Variants in MACF1 observed in about 807,000 individuals in gnomAD.
The protein encoded by MACF1 is microtubule-actin cross-linking factor 1.
Under a neutral mutation model 854.8 loss-of-function variants are expected in MACF1, and 193 were observed. The observed-to-expected ratio is 0.23, with a 90% CI of 0.20 to 0.25. MACF1 has a LOEUF of 0.25. Among genes scored for constraint, MACF1 ranks in the 10% least tolerant of loss-of-function variants. The pLI is 1.00. For synonymous variants in MACF1, 3,185 were observed against 3,226.7 expected (o/e 0.99, Z 0.44); for missense variants, 7,722 against 8,929.1 (o/e 0.86, Z 5.45).
intron 61 of MACF1, among the ~76,000 whole-genome samples, chr1:39,425,551 C>T (rs1643697732): frequency 6.6e-6 from 1 of 152,086 alleles, no homozygotes; most frequent in East Asian, 1.9e-4. Flanking sequence ...TCTATTTGAC[C>T]CTAACCTACC....
rs200988272 is a variant in MACF1 at position 39,445,958 on chromosome 1, C to CA, written c.19605+1131dup. On this transcript the variant is annotated intron_variant, in intron 80 of 100. Coordinates refer to ENST00000564288, the MANE Select transcript of MACF1 (RefSeq NM_001394062.1). ...CTGGGTGACATCAATAACCTATCTC[C>CA]AAAAAAAAGAGAAAACAATCCTTGG... 1.0e-3 allele frequency among the ~76,000 whole-genome samples: 153 copies of CA among 151,596 alleles called. 1 individual carries two copies. Among genetic ancestry groups the CA allele is most frequent in the Non-Finnish European group, 1.8e-3 (123 of 67,828 alleles).
At chr1:39,214,046 G>C (rs551855321) in intron 1 of MACF1, among the ~76,000 whole-genome samples, 1 of 152,156 alleles carries the variant, frequency 6.6e-6, no homozygotes, top group East Asian at 1.9e-4. Flanking sequence ...ATTTGTAGTC[G>C]TTTGGGCTAA....
chr1:39,369,965 A>G (rs781162761), intron 50 of MACF1, 65 bp from the exon 51 acceptor site: 13 of 1,455,238 alleles, frequency 8.9e-6, no homozygotes, highest in Non-Finnish European at 1.2e-5. Context: ...AGAATGAACT[A>G]CTCTTAGCTC....
At chr1:39,471,519 C>G (rs1315974379) in intron 97 of MACF1, among the ~76,000 whole-genome samples, 2 of 152,166 alleles carry the variant, frequency 1.3e-5, no homozygotes, top group African/African-American at 2.4e-5. Context: ...TAGAAGATAT[C>G]TCAAACTGCA....
chr1:39,277,691 G>T (rs1645463876), intron 6 of MACF1, among the ~76,000 whole-genome samples: 1 of 152,172 alleles, frequency 6.6e-6, no homozygotes, highest in Admixed American at 6.5e-5. Flanking sequence ...TGTTGTTGCT[G>T]AGCAATCCTC....
Position 39,332,077 on chromosome 1 carries a change from A to G in MACF1, c.5489A>G (p.Asn1830Ser), listed in dbSNP as rs145512247. 6.8e-5 allele frequency: 110 copies of G among 1,614,118 alleles called. No individual in the cohort carries two copies. In the African/African-American group the frequency reaches 1.3e-3, roughly 20 times the overall value. Residue 1830 changes from asparagine (N) to serine (S), a missense_variant, in exon 37 of 101, where the codon AAT becomes AGT. By Grantham distance (46) the Asn-to-Ser change is conservative. Transcript: ENST00000564288. Reference sequence around the variant, plus strand: ...CTAACAATAGATGAAGCAGTGAGCAATGATCTAGTAGCTGCTAAGATCGCC... The same window carrying G: ...CTAACAATAGATGAAGCAGTGAGCAGTGATCTAGTAGCTGCTAAGATCGCC... ...QRLTIDEAVS[N>S]DLVAAKIALV...
At chr1:39,414,646 A>C in intron 58 of MACF1, 2 of 1,060,316 alleles carry the variant, frequency 1.9e-6, no homozygotes, top group South Asian at 2.0e-5. Context: ...ATATACTTTA[A>C]TTTTGTCTGG....
Position 39,322,666 on chromosome 1 carries a change from C to T in MACF1, c.4088C>T (p.Pro1363Leu). 2.5e-6 allele frequency: 4 copies of T among 1,614,154 alleles called. No homozygotes were observed. Among genetic ancestry groups the T allele is most frequent in the Non-Finnish European group, 3.4e-6 (4 of 1,180,008 alleles). ...KAFVESQQKS[P>L]GKRRRMLSSS... is the part of the protein sequence containing the mutation. The stretch of plus-strand genomic sequence containing the variant: ...TTTGTGGAATCGCAGCAGAAATCCC[C>T]TGGCAAGCGCCGTCGCATGCTTTCC... Residue 1363 changes from proline to leucine, a missense_variant, in exon 32 of 101, where the codon CCT becomes CTT. Physicochemically the swap from Pro to Leu is moderately conservative, Grantham distance 98. Around this residue, in one of 15 missense-constraint regions of MACF1, gnomAD observed 1,137 missense variants for 1,263.0 expected, o/e 0.90. Coordinates refer to ENST00000564288, the MANE Select transcript of MACF1 (RefSeq NM_001394062.1).
chr1:39,412,201 T>G, intron 58 of MACF1: 1 of 1,613,790 alleles, frequency 6.2e-7, no homozygotes, highest in Non-Finnish European at 8.5e-7. Context: ...TGGTGAGGAG[T>G]GCATTGAGAG....
At chr1:39,271,929 A>G (rs1645329555) in intron 6 of MACF1, among the ~76,000 whole-genome samples, 1 of 152,236 alleles carries the variant, frequency 6.6e-6, no homozygotes, top group Non-Finnish European at 1.5e-5. Flanking sequence ...CATGATCTGT[A>G]GTGTGACCAT....
intron 61 of MACF1, among the ~76,000 whole-genome samples, chr1:39,424,444 G>A (rs1643658251): frequency 6.6e-6 from 1 of 152,136 alleles, no homozygotes; most frequent in Non-Finnish European, 1.5e-5. Flanking sequence ...TTCTGCTGTA[G>A]TATAATCATA....
rs58188740 is a variant in MACF1 at position 39,289,693 on chromosome 1, C to CTTTTTTTTTTTTTTT, written c.1785+2149_1785+2163dup. On this transcript the variant is annotated intron_variant, in intron 15 of 100. Coordinates refer to ENST00000564288, the MANE Select transcript of MACF1 (RefSeq NM_001394062.1). Reference sequence around the variant, plus strand: ...ATTTTCTCCCATTCTGTGGGTTGTCCTTTTTTTTTTTTTTTTTTTTTTTTT... The same window carrying CTTTTTTTTTTTTTTT: ...ATTTTCTCCCATTCTGTGGGTTGTCCTTTTTTTTTTTTTTTTTTTTTTTTTTTTTTTTTTTTTTTT... Among the ~76,000 whole-genome samples the CTTTTTTTTTTTTTTT allele has an allele frequency of 3.5e-3, 100 of 28,964 alleles. 40 individuals carry two copies. The highest frequency in any genetic ancestry group is 4.8e-3 in the Non-Finnish European group (81 of 16,772). 19.0% of individuals were successfully genotyped at this position (28,964 alleles called of 152,430 possible). A position where few individuals can be genotyped will look rare whatever the true frequency, so the allele number is the denominator to read the frequency against.
chr1:39,235,660 A>G (rs932287838), intron 2 of MACF1, among the ~76,000 whole-genome samples: 2 of 152,196 alleles, frequency 1.3e-5, no homozygotes, highest in Non-Finnish European at 2.9e-5. Context: ...CTTGACCATT[A>G]TAATAGTTTC....
At chr1:39,262,338 C>G (rs2148347405) in intron 6 of MACF1, among the ~76,000 whole-genome samples, 1 of 131,978 alleles carries the variant, frequency 7.6e-6, no homozygotes, top group Non-Finnish European at 1.5e-5. Flanking sequence ...GAGGTGGAGG[C>G]TGCAGTGAGC....
intron 35 of MACF1, among the ~76,000 whole-genome samples, chr1:39,325,240 A>G (rs1037178397): frequency 2.0e-5 from 3 of 152,230 alleles, no homozygotes; most frequent in African/African-American, 4.8e-5. Flanking sequence ...AAGGAAAAGG[A>G]AAATTATGAG....
rs142060317 is a variant in MACF1, at chr1:39,428,126, A to G, written c.16642A>G (p.Lys5548Glu). The G allele has an allele frequency of 5.3e-5, 86 of 1,614,094 alleles. No homozygotes were observed. The highest frequency in any genetic ancestry group is 6.9e-5 in the Non-Finnish European group (82 of 1,180,050). ...YSEIQDRCCR[K>E]AALLDQALSN... ...TGAAATTCAAGACCGCTGTTGTCGG[A>G]AGGCAGCCCTACTTGACCAAGCTCT... Residue 5548 changes from lysine to glutamate, a missense_variant, in exon 63 of 101, where the codon AAG (lysine) becomes GAG (glutamate). Lys to Glu is a moderately conservative substitution (Grantham distance 56, BLOSUM62 1). Around this residue, in one of 15 missense-constraint regions of MACF1, gnomAD observed 2,807 missense variants for 3,235.8 expected, o/e 0.87. Coordinates refer to ENST00000564288, the MANE Select transcript of MACF1 (RefSeq NM_001394062.1).
intron 65 of MACF1, 124 bp downstream of exon 65, chr1:39,430,192 G>A: frequency 9.5e-7 from 1 of 1,048,314 alleles, no homozygotes; most frequent in South Asian, 1.7e-5. Flanking sequence ...TTTACTCATG[G>A]ACAGTAAGAT....
At position 39,353,248 on chromosome 1, in the gene MACF1, A is replaced by G. The variant is rs746352175; in HGVS notation, c.11424+17A>G. The stretch of plus-strand genomic sequence containing the variant: ...ATGATGAAGGTAAGGGTGTTAGCTT[A>G]TCCTCACTATGCTAGAGAAATCTCT... On this transcript the variant is annotated intron_variant, in intron 44 of 100. Coordinates refer to ENST00000564288, the MANE Select transcript of MACF1 (RefSeq NM_001394062.1). 11 of 1,566,514 alleles carry G rather than the reference A, an allele frequency of 7.0e-6. No individual in the cohort carries two copies. Among genetic ancestry groups the G allele is most frequent in the South Asian group, 2.3e-5 (2 of 87,584 alleles).
rs753316440 is a variant in MACF1 at position 39,295,079 on chromosome 1, G to A, written c.2188G>A (p.Val730Met). ...LTMELEEKQD[V>M]FRSLQDTAEL... is the part of the protein sequence containing the mutation. ...AATGGAACTGGAGGAGAAACAGGAT[G>A]TGTTTCGTTCTCTACAAGATACAGC... Residue 730 changes from valine (V) to methionine (M), a missense_variant, in exon 19 of 101, where the codon GTG becomes ATG. Coordinates refer to ENST00000564288, the MANE Select transcript of MACF1 (RefSeq NM_001394062.1). 15 of 1,614,018 alleles carry A rather than the reference G, an allele frequency of 9.3e-6. No individual in the cohort carries two copies. Among genetic ancestry groups the A allele is most frequent in the East Asian group, 2.2e-5 (1 of 44,882 alleles).
Sources: gnomAD v4.1 joint callset for allele counts (sites outside exome capture counted in the v4.1 genomes callset) on GRCh38, gnomAD v4.1.1 for gene constraint, gnomAD v4.1.1 regional missense constraint, MANE v1.5 for transcripts, NCBI Gene and HGNC (gene_info 2026-07-23, HGNC 2026-07-21) for gene names.